The following DAPK1 variants were observed in gnomAD, a reference collection of about 807,000 sequenced individuals.
The protein encoded by DAPK1 is death associated protein kinase 1.
Under a neutral mutation model 144.9 loss-of-function variants are expected in DAPK1, and 56 were observed. That is an observed-to-expected ratio of 0.39 (90% CI 0.31 to 0.48). DAPK1 has a LOEUF of 0.48. DAPK1 is among the 20% of genes least tolerant of loss of function. The pLI, the probability that DAPK1 is intolerant of heterozygous loss-of-function variation, is 0.95. For missense variants in DAPK1, 1,454 were observed against 1,875.4 expected, an observed-to-expected ratio of 0.78 and a Z score of 4.15; for synonymous variants, 690 against 749.0, an observed-to-expected ratio of 0.92 and a Z score of 1.29.
At chr9:87,518,762 C>T (rs576153828) in intron 2 of DAPK1, among the ~76,000 whole-genome samples, 1 of 152,078 alleles carries the variant, frequency 6.6e-6, no homozygotes, top group African/African-American at 2.4e-5. Context: ...ATATCAGTGT[C>T]TACACAGCTA....
intron 25 of DAPK1, among the ~76,000 whole-genome samples, chr9:87,705,375 T>G (rs1333422267): frequency 1.3e-5 from 2 of 151,306 alleles, no homozygotes; most frequent in East Asian, 3.9e-4. Context: ...ACACAAGCCA[T>G]CACACCCAAC....
chr9:87,514,254 A>T (rs1824961295), intron 2 of DAPK1, among the ~76,000 whole-genome samples: 1 of 152,194 alleles, frequency 6.6e-6, no homozygotes, highest in Non-Finnish European at 1.5e-5. Flanking sequence ...AGAGCTGGTG[A>T]GGGGAGAGAA....
intron 2 of DAPK1, among the ~76,000 whole-genome samples, chr9:87,603,167 A>G (rs912398836): frequency 2.6e-5 from 4 of 152,084 alleles, no homozygotes; most frequent in Non-Finnish European, 4.4e-5. Context: ...ACATCTTTGT[A>G]AGGAGGGGCC....
intron 3 of DAPK1, among the ~76,000 whole-genome samples, chr9:87,606,126 G>A (rs1325066279): frequency 2.0e-5 from 3 of 152,120 alleles, no homozygotes; most frequent in Non-Finnish European, 4.4e-5. Context: ...GCGATCCAAC[G>A]GCCTCCTTCT....
intron 2 of DAPK1, among the ~76,000 whole-genome samples, chr9:87,567,879 T>C (rs1827187314): frequency 6.6e-6 from 1 of 152,250 alleles, no homozygotes; most frequent in Admixed American, 6.5e-5. Context: ...TGCTCCATCA[T>C]TTCCAAATGC....
In DAPK1 at chr9:87,668,301, C is replaced by T. The variant is rs36216042; in HGVS notation, c.1924-296C>T. On this transcript the variant is annotated intron_variant, in intron 18 of 25. Transcript: ENST00000408954. ...GGGGTTCAGGACAGGGAGGAACCAGCCAGCTGAGGAGGCTGTTGAGTTGTG... is the reference window on the plus strand; with the variant it reads ...GGGGTTCAGGACAGGGAGGAACCAGTCAGCTGAGGAGGCTGTTGAGTTGTG... 1.6e-3 allele frequency among the ~76,000 whole-genome samples: 238 copies of T among 152,264 alleles called. 1 individual carries two copies. Among genetic ancestry groups the T allele is most frequent in the African/African-American group, 5.2e-3 (217 of 41,556 alleles).
chr9:87,661,477 C>G (rs1357498801), intron 18 of DAPK1, among the ~76,000 whole-genome samples: 1 of 152,134 alleles, frequency 6.6e-6, no homozygotes, highest in African/African-American at 2.4e-5. Flanking sequence ...TGCATCCTCT[C>G]CAACATCTGT....
At position 87,659,345 on chromosome 9, in the gene DAPK1, A is replaced by G. The variant is rs113822009; in HGVS notation, c.1923+1218A>G. ...CCGCAAACGCACACACCATACCCAC[A>G]TCACCCTGCTGTGCCTGACTTGCTA... On this transcript the variant is annotated intron_variant, in intron 18 of 25. Transcript: ENST00000408954. Among the ~76,000 whole-genome samples the G allele has an allele frequency of 6.3e-3, 965 of 152,150 alleles. 8 individuals carry two copies. The highest frequency in any genetic ancestry group is 0.022 in the African/African-American group (923 of 41,512).
chr9:87,513,748 C>T (rs1173849357), intron 2 of DAPK1, among the ~76,000 whole-genome samples: 1 of 152,194 alleles, frequency 6.6e-6, no homozygotes, highest in East Asian at 1.9e-4. Flanking sequence ...GTTCTACTGT[C>T]ACTGTCTTGG....
chr9:87,544,843 A>G (rs1826182203), intron 2 of DAPK1, among the ~76,000 whole-genome samples: 1 of 152,160 alleles, frequency 6.6e-6, no homozygotes, highest in Non-Finnish European at 1.5e-5. Flanking sequence ...ATTTTGCTAG[A>G]GGATGAAATT....
intron 2 of DAPK1, among the ~76,000 whole-genome samples, chr9:87,556,000 C>G (rs906449719): frequency 6.6e-6 from 1 of 152,064 alleles, no homozygotes; most frequent in East Asian, 1.9e-4. Context: ...CCTAAAAAGA[C>G]GAATGAGAAA....
chr9:87,620,956 C>T (rs117037200), intron 3 of DAPK1, among the ~76,000 whole-genome samples: 5,957 of 152,230 alleles, frequency 0.039, 143 homozygotes, highest in Middle Eastern at 0.048. Flanking sequence ...GGGCTGAAGC[C>T]ATTAAAGCAA....
chr9:87,628,174 A>G (rs553551295), intron 3 of DAPK1, among the ~76,000 whole-genome samples: 1 of 152,198 alleles, frequency 6.6e-6, no homozygotes, highest in Non-Finnish European at 1.5e-5. Flanking sequence ...TTTGAGTGCC[A>G]CGCATGCATG....
At chr9:87,580,095 T>C (rs1827698837) in intron 2 of DAPK1, among the ~76,000 whole-genome samples, 1 of 152,172 alleles carries the variant, frequency 6.6e-6, no homozygotes, top group Non-Finnish European at 1.5e-5. Flanking sequence ...CATGTCATTA[T>C]ATAAGGCCTC....
chr9:87,640,952 G>A (rs1193919472), intron 9 of DAPK1, 105 bp downstream of exon 9: 4 of 1,097,382 alleles, frequency 3.6e-6, no homozygotes, highest in Non-Finnish European at 5.6e-6. Context: ...GGTCACACCT[G>A]GAGTGTTAAG....
chr9:87,593,940 G>A (rs952440893), intron 2 of DAPK1, among the ~76,000 whole-genome samples: 7 of 152,256 alleles, frequency 4.6e-5, no homozygotes, highest in East Asian at 3.9e-4. Context: ...AGAACCACTC[G>A]AGAGCCAGGG....
At chr9:87,633,470 G>GT in intron 3 of DAPK1, 1 of 772,708 alleles carries the variant, frequency 1.3e-6, no homozygotes, top group Non-Finnish European at 1.6e-6. Flanking sequence ...GGACTTGGTT[G>GT]CCTGGACAGC....
intron 3 of DAPK1, among the ~76,000 whole-genome samples, chr9:87,619,051 C>T (rs999341447): frequency 1.2e-4 from 18 of 152,136 alleles, no homozygotes; most frequent in South Asian, 4.2e-4. Context: ...TTCCACCCCA[C>T]TTTGCCTCTG....
At chr9:87,626,849 A>G (rs1286679139) in intron 3 of DAPK1, among the ~76,000 whole-genome samples, 1 of 152,182 alleles carries the variant, frequency 6.6e-6, no homozygotes, top group East Asian at 1.9e-4. Context: ...TGTTCTTAAA[A>G]TGTACATAAA....
Sources: gnomAD v4.1 joint callset for allele counts (sites outside exome capture counted in the v4.1 genomes callset) on GRCh38, gnomAD v4.1.1 for gene constraint, MANE v1.5 for transcripts, NCBI Gene and HGNC (gene_info 2026-07-23, HGNC 2026-07-21) for gene names.